AKR1A1: variants seen among roughly 807,000 people sequenced by gnomAD.
AKR1A1 encodes aldo-keto reductase family 1 member A1.
AKR1A1 carries 26 observed loss-of-function variants against 39.2 expected under a neutral mutation model. The observed-to-expected ratio is 0.66, with a 90% CI of 0.49 to 0.92. The LOEUF is 0.92. Ranked by LOEUF, AKR1A1 falls within the 40% of genes least tolerant of loss-of-function variation. The pLI, the probability that AKR1A1 is intolerant of heterozygous loss-of-function variation, is 0.00. For missense variants in AKR1A1, 378 were observed against 406.5 expected (o/e 0.93, Z 0.60); for synonymous variants, 141 against 155.5 (o/e 0.91, Z 0.69).
Position 45,569,976 on chromosome 1 carries a change from C to G in AKR1A1, c.*20C>G. ...TACTGAGACCACAGCTTCTTGGCCT[C>G]CCTTCCAGCTCTGCAGCTAATGAGG... On this transcript the variant is annotated 3_prime_UTR_variant, in exon 9 of 9. Coordinates refer to ENST00000351829, the MANE Select transcript of AKR1A1 (RefSeq NM_153326.3). 6.2e-7 allele frequency: 1 copy of G among 1,612,008 alleles called. No individual in the cohort carries two copies. Among genetic ancestry groups the G allele is most frequent in the Non-Finnish European group, 8.5e-7 (1 of 1,178,062 alleles).
chr1:45,561,665 A>T, intron 1 of AKR1A1, 124 bp from the exon 2 acceptor site: 3 of 899,532 alleles, frequency 3.3e-6, no homozygotes, highest in Non-Finnish European at 5.2e-6. Context: ...CAGCCTCCCA[A>T]AGTGCTGGGA....
rs371971989 is a variant in AKR1A1, at chr1:45,566,568, G to A, written c.85-1G>A. 3.7e-6 allele frequency: 6 copies of A among 1,614,054 alleles called. No individual in the cohort carries two copies. Among genetic ancestry groups the A allele is most frequent in the Non-Finnish European group, 5.1e-6 (6 of 1,180,026 alleles). ...AAACCTCTGCTTCTCTCACCTGGCA[G>A]GTAAAAGCAGCTGTTAAGTATGCCC... On this transcript the variant is annotated splice_acceptor_variant, in intron 2 of 8. Coordinates refer to ENST00000351829, the MANE Select transcript of AKR1A1 (RefSeq NM_153326.3). LOFTEE classifies it high-confidence loss of function.
intron 2 of AKR1A1, among the ~76,000 whole-genome samples, chr1:45,565,183 TGCAATG>T (rs1644325309): frequency 1.5e-5 from 2 of 131,442 alleles, no homozygotes; most frequent in South Asian, 4.9e-4. Context: ...CAGGCTGGAG[TGCAATG>T]GCATGATCTT....
At position 45,566,667 on chromosome 1, in the gene AKR1A1, G is replaced by GGAGGACGTGGGACCAGGCAAGGT. The variant is rs1644348229; in HGVS notation, c.184_204+2dup. ...AGCCTGAGATTGGGGAGGCCCTGAA[G>GGAGGACGTGGGACCAGGCAAGGT]GAGGACGTGGGACCAGGCAAGGTAA... On this transcript the variant is annotated frameshift_variant, in exon 3 of 9. Coordinates refer to ENST00000351829, the MANE Select transcript of AKR1A1 (RefSeq NM_153326.3). LOFTEE classifies it high-confidence loss of function. The GGAGGACGTGGGACCAGGCAAGGT allele has an allele frequency of 3.7e-6, 6 of 1,614,128 alleles. No individual in the cohort carries two copies. In the Admixed American group the frequency reaches 5.0e-5, roughly 13 times the overall value.
At chr1:45,555,094 T>C (rs12082672) in intron 1 of AKR1A1, among the ~76,000 whole-genome samples, 2,211 of 152,244 alleles carry the variant, frequency 0.015, 41 homozygotes, top group African/African-American at 0.047. Context: ...TGAGATAGAG[T>C]ACAAAGTCAA....
At chr1:45,561,735 GACC>G in intron 1 of AKR1A1, 51 bp from the exon 2 acceptor site, 19 of 1,563,586 alleles carry the variant, frequency 1.2e-5, no homozygotes, top group Non-Finnish European at 1.7e-5. Flanking sequence ...GGAAATCTGA[GACC>G]TGAACAACAG....
At chr1:45,564,593 T>G (rs1371266960) in intron 2 of AKR1A1, among the ~76,000 whole-genome samples, 3 of 152,044 alleles carry the variant, frequency 2.0e-5, no homozygotes, top group Non-Finnish European at 4.4e-5. Context: ...TTCCCCCTTC[T>G]AACCTCTTTT....
chr1:45,565,713 GA>G (rs748455335), intron 2 of AKR1A1, among the ~76,000 whole-genome samples: 4 of 151,614 alleles, frequency 2.6e-5, no homozygotes, highest in Non-Finnish European at 4.4e-5. Flanking sequence ...GACCTCAGGT[GA>G]TTCACCTGCC....
chr1:45,563,737 C>T (rs1017675877), intron 2 of AKR1A1, among the ~76,000 whole-genome samples: 1 of 152,118 alleles, frequency 6.6e-6, no homozygotes. Context: ...TGCAGTGAGC[C>T]GAGATCGTGC....
chr1:45,566,417 C>A, intron 2 of AKR1A1, 152 bp from the exon 3 acceptor site: 1 of 1,209,506 alleles, frequency 8.3e-7, no homozygotes, highest in Non-Finnish European at 1.1e-6. Context: ...CGTGAGCCAC[C>A]GCGCCCAGTT....
At chr1:45,567,871 G>A (rs979763271) in intron 4 of AKR1A1, 111 bp from the exon 5 acceptor site, 9 of 1,020,320 alleles carry the variant, frequency 8.8e-6, no homozygotes, top group South Asian at 5.8e-5. Context: ...AAAATTCTTG[G>A]CCCTTTGTCC....
chr1:45,551,767 T>C (rs1233426610), intron 1 of AKR1A1, among the ~76,000 whole-genome samples: 1 of 152,220 alleles, frequency 6.6e-6, no homozygotes, highest in East Asian at 1.9e-4. Flanking sequence ...GCAATCTCAG[T>C]ATGATTCTAT....
chr1:45,551,949 TGTGTGTGTGTG>T (rs942596557), intron 1 of AKR1A1, among the ~76,000 whole-genome samples: 36 of 151,702 alleles, frequency 2.4e-4, no homozygotes, highest in African/African-American at 8.2e-4. Flanking sequence ...CCCCATAAGC[TGTGTGTGTGTG>T]GTGTGTGTAT....
intron 1 of AKR1A1, among the ~76,000 whole-genome samples, chr1:45,557,776 C>T (rs1272433005): frequency 2.0e-5 from 3 of 152,138 alleles, no homozygotes; most frequent in Non-Finnish European, 2.9e-5. Flanking sequence ...GTTTGACACT[C>T]AGATTGAAGT....
chr1:45,563,372 C>T (rs367750158), intron 2 of AKR1A1, among the ~76,000 whole-genome samples: 40 of 152,158 alleles, frequency 2.6e-4, no homozygotes, highest in African/African-American at 8.7e-4. Context: ...TGCACTCCAG[C>T]CTAGGCAACA....
intron 2 of AKR1A1, 68 bp downstream of exon 2, chr1:45,561,946 C>G: frequency 6.8e-7 from 1 of 1,463,204 alleles, no homozygotes. Flanking sequence ...CAGCCCCACC[C>G]CCATACTCCC....
In AKR1A1 at chr1:45,551,064, C is replaced by T. The variant is rs885755; in HGVS notation, c.-98C>T. 905 of 152,566 alleles carry T rather than the reference C, an allele frequency of 5.9e-3. 5 individuals are homozygous for T. The highest frequency in any genetic ancestry group is 9.4e-3 in the Non-Finnish European group (643 of 68,164). 9.5% of individuals were successfully genotyped at this position (152,566 alleles called of 1,614,324 possible). On this transcript the variant is annotated 5_prime_UTR_variant, in exon 1 of 9. The change creates a premature stop within an existing upstream ORF in the 5' untranslated region. Transcript: ENST00000351829. ...CCGGGTGGAACTTCCCCCTCACCGCCAGACTTAAGCTGAGGATCGTTGGAT... is the reference window on the plus strand; with the variant it reads ...CCGGGTGGAACTTCCCCCTCACCGCTAGACTTAAGCTGAGGATCGTTGGAT...
intron 1 of AKR1A1, among the ~76,000 whole-genome samples, chr1:45,552,810 C>A (rs1182887208): frequency 6.6e-6 from 1 of 152,094 alleles, no homozygotes; most frequent in African/African-American, 2.4e-5. Context: ...CTCTGGAAGC[C>A]AAGATCTGTG....
At chr1:45,551,315 C>T (rs1644128505) in intron 1 of AKR1A1, among the ~76,000 whole-genome samples, 160 bp downstream of exon 1, 1 of 147,544 alleles carries the variant, frequency 6.8e-6, no homozygotes, top group African/African-American at 2.7e-5. Context: ...TCTGTATGAT[C>T]TCTTGCTAAC....
Sources: allele counts gnomAD v4.1 joint callset (sites outside exome capture counted in the v4.1 genomes callset), GRCh38; gene constraint gnomAD v4.1.1; transcripts MANE v1.5; gene names NCBI Gene and HGNC (gene_info 2026-07-23, HGNC 2026-07-21).